Variants in IL4I1 observed in about 807,000 individuals in gnomAD.
IL4I1 encodes the protein L-amino-acid oxidase.
Under a neutral mutation model 29.7 loss-of-function variants are expected in IL4I1, and 24 were observed. The ratio of observed to expected loss-of-function variants is 0.81; its 90% CI spans 0.59 to 1.14. The LOEUF (loss-of-function observed/expected upper bound fraction) is 1.14. IL4I1 is among the 50% of genes most tolerant of loss of function. IL4I1 has a pLI of 0.00. For synonymous variants in IL4I1, 371 were observed against 352.5 expected (o/e 1.05, Z -0.59); for missense variants, 686 against 785.6 (o/e 0.87, Z 1.52).
chr19:49,890,929 G>GCCCCGCCC, intron 7 of IL4I1, 42 bp downstream of exon 7: 1 of 454,452 alleles, frequency 2.2e-6, no homozygotes, highest in Non-Finnish European at 3.5e-6. Flanking sequence ...TTCCCTGATT[G>GCCCCGCCC]CCCCCCGCCC....
upstream of IL4I1, among the ~76,000 whole-genome samples, chr19:49,897,312 GC>G (rs2075223307): frequency 6.6e-6 from 1 of 152,092 alleles, no homozygotes; most frequent in Non-Finnish European, 1.5e-5. Context: ...GTCCTGCAGG[GC>G]CCCCCATGGT....
At chr19:49,892,362 G>A (rs1188702651) in intron 5 of IL4I1, among the ~76,000 whole-genome samples, 2 of 152,128 alleles carry the variant, frequency 1.3e-5, no homozygotes, top group East Asian at 1.9e-4. Context: ...GATTACAGGC[G>A]TGAGCCACTG....
intron 5 of IL4I1, among the ~76,000 whole-genome samples, chr19:49,892,644 G>A (rs1275145755): frequency 6.6e-6 from 1 of 152,194 alleles, no homozygotes; most frequent in Non-Finnish European, 1.5e-5. Context: ...CCTCCCAGAA[G>A]CCTTGCTGCC....
chr19:49,907,129 G>A (rs537044484), intron 2 of IL4I1: 4 of 160,786 alleles, frequency 2.5e-5, no homozygotes, highest in South Asian at 1.5e-4. Flanking sequence ...CACGGGGAAC[G>A]ACAGTGGGTC....
chr19:49,901,943 C>A, intron 3 of IL4I1: 1 of 365,788 alleles, frequency 2.7e-6, no homozygotes, highest in Non-Finnish European at 4.9e-6. Flanking sequence ...GCCCTTGTCT[C>A]ACTCACCCTC....
intron 2 of IL4I1, among the ~76,000 whole-genome samples, chr19:49,904,697 G>A (rs980492497): frequency 4.6e-5 from 7 of 151,090 alleles, no homozygotes; most frequent in African/African-American, 1.7e-4. Flanking sequence ...CCACCACGCC[G>A]GGCTAATTTT....
chr19:49,903,593 A>C (rs887580602), intron 3 of IL4I1, among the ~76,000 whole-genome samples: 10 of 152,212 alleles, frequency 6.6e-5, no homozygotes, highest in Non-Finnish European at 1.3e-4. Context: ...TCTGAGGGGC[A>C]GATTTTTAAA....
At position 49,921,790 on chromosome 19, in the gene IL4I1, T is replaced by G. The variant is rs2075771365; in HGVS notation, c.-228+5904A>C. Among the ~76,000 whole-genome samples the G allele has an allele frequency of 6.6e-6, 1 of 152,164 alleles. No individual in the cohort carries two copies. Among genetic ancestry groups the G allele is most frequent in the African/African-American group, 2.4e-5 (1 of 41,428 alleles). ...CGACCATGACCATCCATCCTATGAG[T>G]GCTGGCTGGGCTCAAGCCCGGGTAC... On this transcript the variant is annotated intron_variant, in intron 2 of 9. Coordinates refer to the IL4I1 transcript ENST00000341114. This position sits in a 1 kb window ranked among gnomAD's most constrained non-coding sequence, Gnocchi z 5.4.
intron 2 of IL4I1, among the ~76,000 whole-genome samples, chr19:49,927,024 TA>T (rs1313190869): frequency 6.6e-6 from 1 of 151,980 alleles, no homozygotes; most frequent in African/African-American, 2.4e-5. Context: ...CACACCCGAC[TA>T]TTTTTTTGTA....
At chr19:49,890,929 G>GTCCCCCCCCCCCCCCCCCCCC in intron 7 of IL4I1, 42 bp downstream of exon 7, 1 of 454,452 alleles carries the variant, frequency 2.2e-6, no homozygotes, top group South Asian at 3.4e-5. Flanking sequence ...TTCCCTGATT[G>GTCCCCCCCCCCCCCCCCCCCC]CCCCCCGCCC....
rs2122729970 is a variant in IL4I1 at position 49,921,665 on chromosome 19, G to C, written c.-228+6029C>G. Reference sequence around the variant, plus strand: ...GCCGCTGACCTCAAAACTCTCCATGGGGGGTACCCCTCTGCCCATTGAGGG... The same window carrying C: ...GCCGCTGACCTCAAAACTCTCCATGCGGGGTACCCCTCTGCCCATTGAGGG... On this transcript the variant is annotated intron_variant, in intron 2 of 9. Coordinates refer to the IL4I1 transcript ENST00000341114. The surrounding 1 kb of genome is among the most constrained non-coding windows in gnomAD (Gnocchi z 5.4). Among the ~76,000 whole-genome samples, 1 of 152,270 alleles carries C rather than the reference G, an allele frequency of 6.6e-6. No individual in the cohort carries two copies. Among genetic ancestry groups the C allele is most frequent in the Admixed American group, 6.5e-5 (1 of 15,302 alleles).
At chr19:49,890,732 A>T in intron 7 of IL4I1, 132 bp from the exon 8 acceptor site, 2 of 795,308 alleles carry the variant, frequency 2.5e-6, no homozygotes, top group South Asian at 2.0e-5. Flanking sequence ...ACCTCTCCCG[A>T]CCCCGCCCGT....
At chr19:49,920,472 G>A (rs2075739297) in intron 2 of IL4I1, among the ~76,000 whole-genome samples, 2 of 152,134 alleles carry the variant, frequency 1.3e-5, no homozygotes, top group Admixed American at 1.3e-4. Flanking sequence ...CCACTAAGTT[G>A]GACACTGATA....
At chr19:49,909,225 G>A in intron 2 of IL4I1, 2 of 1,614,052 alleles carry the variant, frequency 1.2e-6, no homozygotes, top group Non-Finnish European at 1.7e-6. Context: ...GTGGCTGCTG[G>A]CGTGGCCGGA....
intron 2 of IL4I1, among the ~76,000 whole-genome samples, chr19:49,918,895 T>TGGGGGG (rs56129490): frequency 3.5e-4 from 25 of 72,328 alleles, no homozygotes; most frequent in South Asian, 1.8e-3. Flanking sequence ...TTTGGGAGGC[T>TGGGGGG]GGGGGGGGGG....
At chr19:49,925,520 C>A (rs527738541) in intron 2 of IL4I1, among the ~76,000 whole-genome samples, 1 of 151,500 alleles carries the variant, frequency 6.6e-6, no homozygotes, top group African/African-American at 2.4e-5. Flanking sequence ...TGAGACAAAA[C>A]CAAATGGAAG....
intron 2 of IL4I1, among the ~76,000 whole-genome samples, chr19:49,926,208 CAAA>C (rs33981121): frequency 2.4e-5 from 1 of 42,510 alleles, no homozygotes; most frequent in African/African-American, 1.0e-4. Flanking sequence ...GACTCTGTCT[CAAA>C]AAAAAAAAAA....
intron 2 of IL4I1, among the ~76,000 whole-genome samples, chr19:49,912,636 G>C (rs1197432665): frequency 1.3e-5 from 2 of 152,164 alleles, no homozygotes; most frequent in East Asian, 3.9e-4. Flanking sequence ...GGCTGAGGTG[G>C]GGGGATCGCT....
chr19:49,911,524 G>GT (rs1370146928), intron 2 of IL4I1, among the ~76,000 whole-genome samples: 1 of 152,112 alleles, frequency 6.6e-6, no homozygotes, highest in Non-Finnish European at 1.5e-5. Context: ...TCCAGCTTGA[G>GT]TAAGAGGCAA....
Sources: allele counts gnomAD v4.1 joint callset (sites outside exome capture counted in the v4.1 genomes callset), GRCh38; gene constraint gnomAD v4.1.1; non-coding constraint Gnocchi (gnomAD v3.1); transcripts MANE v1.5; gene names NCBI Gene and HGNC (gene_info 2026-07-23, HGNC 2026-07-21).